The following RFX8 variants were observed in gnomAD, a reference collection of about 807,000 sequenced individuals.
RFX8 encodes regulatory factor X8.
RFX8 carries 46 observed loss-of-function variants against 54.6 expected under a neutral mutation model. The observed-to-expected ratio is 0.84, with a 90% CI of 0.67 to 1.08. RFX8 has a LOEUF of 1.08. Among genes scored for constraint, RFX8 ranks in the 50% least tolerant of loss-of-function variants. The probability of loss-of-function intolerance (pLI) is 0.00; values close to 1 mark genes in which losing one functional copy is unlikely to be tolerated. For missense variants in RFX8, 536 were observed against 562.3 expected, an observed-to-expected ratio of 0.95 and a Z score of 0.47; for synonymous variants, 192 against 209.5, an observed-to-expected ratio of 0.92 and a Z score of 0.72.
Position 101,469,091 on chromosome 2 carries a change from TAA to T in RFX8, c.-52-2193_-52-2192del, listed in dbSNP as rs1553460203. 7.9e-3 allele frequency among the ~76,000 whole-genome samples: 406 copies of T among 51,348 alleles called. 19 individuals carry two copies. Among genetic ancestry groups the T allele is most frequent in the African/African-American group, 0.015 (119 of 7,882 alleles). The allele number at this position is 51,348 out of a possible 152,430, so 33.7% of individuals were successfully genotyped here. A position where few individuals can be genotyped will look rare whatever the true frequency, so the allele number is the denominator to read the frequency against. ...GTATATATATATAAGTGTATATATATAAGTATATATATATAAGTGTATATATA... is the reference window on the plus strand; with the variant it reads ...GTATATATATATAAGTGTATATATATGTATATATATATAAGTGTATATATA... On this transcript the variant is annotated intron_variant, in intron 1 of 11. Transcript: ENST00000428343.
intron 2 of RFX8, among the ~76,000 whole-genome samples, chr2:101,434,508 G>A (rs1456155106): frequency 2.0e-5 from 3 of 148,928 alleles, no homozygotes; most frequent in Non-Finnish European, 4.5e-5. Flanking sequence ...CTCAGCCACT[G>A]GGGGTCAAGC....
chr2:101,432,491 C>G (rs181535868), intron 2 of RFX8, among the ~76,000 whole-genome samples: 171 of 152,296 alleles, frequency 1.1e-3, no homozygotes, highest in Middle Eastern at 3.4e-3. Flanking sequence ...CAGCGCTCCA[C>G]CAGGGTGCAG....
At chr2:101,448,990 G>GT (rs1485828465) in intron 2 of RFX8, among the ~76,000 whole-genome samples, 1 of 152,190 alleles carries the variant, frequency 6.6e-6, no homozygotes, top group African/African-American at 2.4e-5. Context: ...GTTGGGGATG[G>GT]TCCCATGGGG....
intron 5 of RFX8, among the ~76,000 whole-genome samples, chr2:101,418,058 T>G (rs1390773440): frequency 6.6e-6 from 1 of 152,010 alleles, no homozygotes; most frequent in Non-Finnish European, 1.5e-5. Context: ...CCTGGCTCAT[T>G]TTTTTGTATT....
chr2:101,463,232 T>C (rs899010884), intron 2 of RFX8, among the ~76,000 whole-genome samples: 2 of 152,194 alleles, frequency 1.3e-5, no homozygotes, highest in African/African-American at 2.4e-5. Context: ...GGTTATAGAA[T>C]GCTACAGAAG....
rs778484548 is a variant in RFX8 at position 101,466,894 on chromosome 2, G to C, written c.-46C>G. 8 of 1,398,238 alleles carry C rather than the reference G, an allele frequency of 5.7e-6. No homozygotes were observed. Among genetic ancestry groups the C allele is most frequent in the Non-Finnish European group, 7.9e-6 (8 of 1,007,140 alleles). 86.6% of individuals were successfully genotyped at this position (1,398,238 alleles called of 1,614,324 possible). ...ACTCTTCGCAAATGCAGAAGTTGTC[G>C]ACCAACCTGGAGGAGAGGAGGACAA... is the stretch of plus-strand genomic sequence containing the variant. On this transcript the variant is annotated 5_prime_UTR_variant, in exon 2 of 12. Transcript: ENST00000428343.
At chr2:101,419,631 C>A (rs1558852647) in intron 4 of RFX8, among the ~76,000 whole-genome samples, 1 of 152,222 alleles carries the variant, frequency 6.6e-6, no homozygotes, top group African/African-American at 2.4e-5. Context: ...GGCTCAGATA[C>A]TGTGAGGCAT....
At chr2:101,443,120 C>T (rs1427962054) in intron 2 of RFX8, among the ~76,000 whole-genome samples, 2 of 152,184 alleles carry the variant, frequency 1.3e-5, no homozygotes, top group Non-Finnish European at 2.9e-5. Context: ...TCTTTTCCTA[C>T]GTCAGGCTTG....
chr2:101,472,652 A>AC (rs1405145550), intron 1 of RFX8, among the ~76,000 whole-genome samples: 1 of 152,208 alleles, frequency 6.6e-6, no homozygotes, highest in East Asian at 1.9e-4. Context: ...CTTGGGTCAC[A>AC]TATAAAATAC....
chr2:101,442,113 G>A (rs1055823960), intron 2 of RFX8, among the ~76,000 whole-genome samples: 6 of 152,192 alleles, frequency 3.9e-5, no homozygotes, highest in African/African-American at 1.2e-4. Context: ...ATAGACACAC[G>A]TGACTTACCA....
intron 2 of RFX8, among the ~76,000 whole-genome samples, chr2:101,430,051 T>C (rs748639151): frequency 6.6e-6 from 1 of 152,232 alleles, no homozygotes; most frequent in Non-Finnish European, 1.5e-5. Context: ...CCACATAATG[T>C]TATATTTCAA....
chr2:101,418,998 C>G (rs1686699487), intron 4 of RFX8, 34 bp from the exon 5 acceptor site: 1 of 1,204,966 alleles, frequency 8.3e-7, no homozygotes, highest in Admixed American at 2.1e-5. Flanking sequence ...CGCCAAAACT[C>G]GTTTTCCACC....
chr2:101,421,438 T>C, intron 4 of RFX8: 1 of 1,103,354 alleles, frequency 9.1e-7, no homozygotes, highest in Non-Finnish European at 1.1e-6. Context: ...TTATTCAAAA[T>C]GAGCAGAATT....
chr2:101,450,281 C>T (rs915742015), intron 2 of RFX8, among the ~76,000 whole-genome samples: 15 of 152,120 alleles, frequency 9.9e-5, no homozygotes, highest in African/African-American at 1.9e-4. Context: ...AATGCAGTGA[C>T]GCAATCACGG....
rs1179384468 is a variant in RFX8, at chr2:101,469,065, T to TAC, written c.-52-2166_-52-2165insGT. The stretch of plus-strand genomic sequence containing the variant: ...ATGTATATATATATACGTATATATA[T>TAC]GTATATATATATAAGTGTATATATA... On this transcript the variant is annotated intron_variant, in intron 1 of 11. Coordinates refer to ENST00000428343, the MANE Select transcript of RFX8 (RefSeq NM_001145664.2). Among the ~76,000 whole-genome samples, 20 of 24,862 alleles carry TAC rather than the reference T, an allele frequency of 8.0e-4. 1 individual carries two copies. The highest frequency in any genetic ancestry group is 2.9e-3 in the African/African-American group (20 of 7,014). 16.3% of individuals were successfully genotyped at this position (24,862 alleles called of 152,430 possible).
chr2:101,401,578 AAT>A (rs1457624920), intron 11 of RFX8, among the ~76,000 whole-genome samples: 4 of 152,274 alleles, frequency 2.6e-5, no homozygotes, highest in Non-Finnish European at 4.4e-5. Context: ...CTAAACATCA[AAT>A]ATGTGCAGAG....
chr2:101,445,697 T>C (rs1688338291), intron 2 of RFX8, among the ~76,000 whole-genome samples: 1 of 152,164 alleles, frequency 6.6e-6, no homozygotes, highest in South Asian at 2.1e-4. Flanking sequence ...CCCAAAGTGC[T>C]GGGATTACAG....
At chr2:101,421,181 A>C in intron 4 of RFX8, 4 of 906,730 alleles carry the variant, frequency 4.4e-6, no homozygotes, top group Non-Finnish European at 5.3e-6. Context: ...ATCAGGAAAA[A>C]AATCTCATTT....
intron 2 of RFX8, among the ~76,000 whole-genome samples, chr2:101,433,255 C>T (rs1687593099): frequency 6.6e-6 from 1 of 152,112 alleles, no homozygotes; most frequent in Admixed American, 6.5e-5. Flanking sequence ...TTCCAGCTCT[C>T]ACTGGAACAC....
Sources: allele counts gnomAD v4.1 joint callset (sites outside exome capture counted in the v4.1 genomes callset), GRCh38; gene constraint gnomAD v4.1.1; transcripts MANE v1.5; gene names NCBI Gene and HGNC (gene_info 2026-07-23, HGNC 2026-07-21).